Variants in OR4N2 observed in about 807,000 individuals in gnomAD.
The protein encoded by OR4N2 is olfactory receptor family 4 subfamily N member 2.
For missense variants in OR4N2, 307 were observed against 377.6 expected, an observed-to-expected ratio of 0.81 and a Z score of 1.55; for synonymous variants, 141 against 140.4, an observed-to-expected ratio of 1.00 and a Z score of -0.03.
intron 1 of OR4N2, among the ~76,000 whole-genome samples, chr14:19,826,331 ATAT>A (rs1879698669): frequency 6.6e-6 from 1 of 152,278 alleles, no homozygotes; most frequent in South Asian, 2.1e-4. Context: ...TAGACTAACA[ATAT>A]TATTTTTAGT....
At chr14:19,804,064 T>C (rs1218537955) in intron 1 of OR4N2, among the ~76,000 whole-genome samples, 3 of 152,246 alleles carry the variant, frequency 2.0e-5, no homozygotes, top group Non-Finnish European at 2.9e-5. Flanking sequence ...CATTTCTGAC[T>C]GTGTTTATTT....
chr14:19,813,730 C>T (rs10129490), intron 1 of OR4N2, among the ~76,000 whole-genome samples: 8,030 of 151,130 alleles, frequency 0.053, 72 homozygotes, highest in Non-Finnish European at 0.064. Flanking sequence ...ATACCAGATG[C>T]CAGCTTTACA....
intron 1 of OR4N2, among the ~76,000 whole-genome samples, chr14:19,811,659 A>T (rs559407827): frequency 6.6e-6 from 1 of 152,400 alleles, no homozygotes; most frequent in South Asian, 2.1e-4. Flanking sequence ...TTTGAAAATC[A>T]ATCAAGTTAA....
At chr14:19,816,618 T>C (rs1203763476) in intron 1 of OR4N2, among the ~76,000 whole-genome samples, 1 of 152,266 alleles carries the variant, frequency 6.6e-6, no homozygotes, top group Non-Finnish European at 1.5e-5. Flanking sequence ...ATTTTCTAAA[T>C]ATACAATCAT....
intron 1 of OR4N2, among the ~76,000 whole-genome samples, chr14:19,808,103 C>G (rs145769327): frequency 1.1e-3 from 167 of 152,214 alleles, no homozygotes; most frequent in African/African-American, 3.8e-3. Context: ...TAACAGCCAT[C>G]TATGACAGAC....
intron 1 of OR4N2, among the ~76,000 whole-genome samples, chr14:19,821,057 G>A (rs1489537835): frequency 6.6e-6 from 1 of 152,272 alleles, no homozygotes; most frequent in Non-Finnish European, 1.5e-5. Context: ...GGCCCTGGTG[G>A]TGTAGGCACC....
At chr14:19,818,843 G>C (rs947576871) in intron 1 of OR4N2, among the ~76,000 whole-genome samples, 1 of 152,200 alleles carries the variant, frequency 6.6e-6, no homozygotes, top group African/African-American at 2.4e-5. Flanking sequence ...CATATTTAGT[G>C]CTTCCTTCTG....
intron 1 of OR4N2, among the ~76,000 whole-genome samples, chr14:19,814,864 C>A (rs558353356): frequency 6.6e-6 from 1 of 152,142 alleles, no homozygotes; most frequent in African/African-American, 2.4e-5. Context: ...ATATTCCCCT[C>A]GCTGTTTCCC....
In OR4N2 at chr14:19,807,652, A is replaced by ATT. The variant is rs748021250; in HGVS notation, c.-10+3811_-10+3812dup. ...TAGATTCACAGCTGAATTCTACCAGATTTTAAAAAAAAGAACTCTACCAAT... is the reference window on the plus strand; with the variant it reads ...TAGATTCACAGCTGAATTCTACCAGATTTTTTAAAAAAAAGAACTCTACCAAT... On this transcript the variant is annotated intron_variant, in intron 1 of 1. Coordinates refer to ENST00000557677, the MANE Select transcript of OR4N2 (RefSeq NM_001004723.3). Among the ~76,000 whole-genome samples the ATT allele has an allele frequency of 3.3e-3, 495 of 151,772 alleles. 1 individual carries two copies. The highest frequency in any genetic ancestry group is 0.012 in the African/African-American group (477 of 41,362).
At chr14:19,826,205 A>T (rs1879695192) in intron 1 of OR4N2, among the ~76,000 whole-genome samples, 1 of 152,270 alleles carries the variant, frequency 6.6e-6, no homozygotes, top group Admixed American at 6.5e-5. Flanking sequence ...TGGAATGAGT[A>T]TACCCCATGA....
intron 1 of OR4N2, among the ~76,000 whole-genome samples, chr14:19,817,141 T>C (rs1780875): frequency 0.32 from 46,014 of 143,618 alleles, 4,313 homozygotes; most frequent in Middle Eastern, 0.42. Flanking sequence ...GGGATATTGA[T>C]CTGAAATTTT....
chr14:19,822,497 A>C (rs1035171281), intron 1 of OR4N2: 6 of 152,262 alleles, frequency 3.9e-5, no homozygotes, highest in African/African-American at 1.4e-4. Context: ...ATTCATTCTT[A>C]GAATTTTGAC....
chr14:19,807,913 T>G (rs1446971167), intron 1 of OR4N2, among the ~76,000 whole-genome samples: 1 of 152,174 alleles, frequency 6.6e-6, no homozygotes, highest in African/African-American at 2.4e-5. Context: ...ATTCCTGAGA[T>G]GTAAGGCTTA....
intron 1 of OR4N2, among the ~76,000 whole-genome samples, chr14:19,804,741 C>T (rs939826036): frequency 2.0e-5 from 3 of 152,120 alleles, no homozygotes; most frequent in Admixed American, 6.5e-5. Context: ...AGCTCAGTCC[C>T]GAATCTCTTT....
intron 1 of OR4N2, among the ~76,000 whole-genome samples, chr14:19,822,908 T>C (rs896188526): frequency 1.3e-5 from 2 of 152,254 alleles, no homozygotes; most frequent in Non-Finnish European, 2.9e-5. Flanking sequence ...AGTTAATTGC[T>C]CATTCAAGGC....
intron 1 of OR4N2, among the ~76,000 whole-genome samples, chr14:19,824,770 A>G (rs1879650664): frequency 6.6e-6 from 1 of 152,178 alleles, no homozygotes; most frequent in South Asian, 2.1e-4. Flanking sequence ...GTTATATTTT[A>G]TTTTCTGTAG....
At chr14:19,817,020 C>A (rs1283519570) in intron 1 of OR4N2, among the ~76,000 whole-genome samples, 3 of 152,230 alleles carry the variant, frequency 2.0e-5, no homozygotes, top group Non-Finnish European at 4.4e-5. Context: ...TTGAACCAGC[C>A]TTGCATCCCA....
At chr14:19,822,467 C>T (rs2138477978) in intron 1 of OR4N2, 1 of 152,364 alleles carries the variant, frequency 6.6e-6, no homozygotes, top group African/African-American at 2.4e-5. Context: ...AAAGTTTCTT[C>T]TGTTGCATGT....
chr14:19,814,666 G>A (rs1284308793), intron 1 of OR4N2, among the ~76,000 whole-genome samples: 1 of 152,176 alleles, frequency 6.6e-6, no homozygotes, highest in African/African-American at 2.4e-5. Flanking sequence ...AAATAATATT[G>A]GTGAAGTCTT....
Sources: gnomAD v4.1 joint callset for allele counts (sites outside exome capture counted in the v4.1 genomes callset) on GRCh38, gnomAD v4.1.1 for gene constraint, MANE v1.5 for transcripts, NCBI Gene and HGNC (gene_info 2026-07-23, HGNC 2026-07-21) for gene names.